IQSEC1: variants seen among roughly 807,000 people sequenced by gnomAD.
IQSEC1 encodes the protein IQ motif and Sec7 domain ArfGEF 1.
A neutral mutation model predicts 91.0 loss-of-function variants in IQSEC1; 31 were observed. The observed-to-expected ratio is 0.34, with a 90% CI of 0.26 to 0.46. IQSEC1 has a LOEUF of 0.46. Among genes scored for constraint, IQSEC1 ranks in the 20% least tolerant of loss-of-function variants. The pLI is 1.00. For missense variants in IQSEC1, 1,388 were observed against 1,575.6 expected (o/e 0.88, Z 2.02); for synonymous variants, 699 against 662.6 (o/e 1.05, Z -0.84).
intron 1 of IQSEC1, among the ~76,000 whole-genome samples, chr3:12,985,226 G>A (rs921307626): frequency 6.6e-6 from 1 of 152,174 alleles, no homozygotes; most frequent in Admixed American, 6.5e-5. Context: ...GGCTTGCTTG[G>A]GTCTTGAAGG....
At chr3:13,160,046 T>C (rs1707148003) in intron 2 of IQSEC1, among the ~76,000 whole-genome samples, 1 of 152,140 alleles carries the variant, frequency 6.6e-6, no homozygotes, top group African/African-American at 2.4e-5. Context: ...GTCCTACATT[T>C]GCAAAATGGT....
chr3:12,999,355 A>T (rs1489753897), intron 1 of IQSEC1, among the ~76,000 whole-genome samples: 1 of 152,148 alleles, frequency 6.6e-6, no homozygotes, highest in Non-Finnish European at 1.5e-5. Flanking sequence ...CTGAGGGTAA[A>T]CTGCCTTGCA....
intron 1 of IQSEC1, among the ~76,000 whole-genome samples, chr3:13,037,012 A>C (rs1416375026): frequency 6.6e-6 from 1 of 152,192 alleles, no homozygotes; most frequent in Non-Finnish European, 1.5e-5. Context: ...GACCAAGGGA[A>C]CAGCACATGT....
rs553882394 is a variant in IQSEC1, at chr3:13,067,896, G to A, written c.23+5096C>T. Among the ~76,000 whole-genome samples the A allele has an allele frequency of 3.3e-5, 5 of 152,368 alleles. No individual in the cohort carries two copies. In the South Asian group the frequency reaches 1.0e-3, roughly 32 times the overall value. On this transcript the variant is annotated intron_variant, in intron 1 of 13. Coordinates refer to ENST00000613206, the MANE Select transcript of IQSEC1 (RefSeq NM_001134382.3). ...GGCAGGCCAGGGCCCTGAGGAGATGGTGCCAGGTCCTTTAGGGGCACAGGG... is the reference window on the plus strand; with the variant it reads ...GGCAGGCCAGGGCCCTGAGGAGATGATGCCAGGTCCTTTAGGGGCACAGGG...
chr3:13,166,926 C>T (rs1013356187), intron 1 of IQSEC1, among the ~76,000 whole-genome samples: 1 of 152,250 alleles, frequency 6.6e-6, no homozygotes, highest in Non-Finnish European at 1.5e-5. Context: ...CCTGGCATAA[C>T]ATCGCCCGTC....
chr3:12,936,395 G>A lies in IQSEC1; in HGVS notation c.621C>T (p.Thr207=), dbSNP rs1353877235. The part of the protein sequence containing the change: ...SPECGDLSEP[T]TLKSPAPSSD... ...TGGAGGGGGCCGGAGACTTGAGGGT[G>A]GTGGGCTCGCTGAGGTCACCACACT... The change falls in exon 3 of 14, where the codon ACC becomes ACT. Residue 207 remains threonine, a synonymous_variant. Transcript: ENST00000613206. 1 of 1,594,804 alleles carries A rather than the reference G, an allele frequency of 6.3e-7. No individual in the cohort carries two copies. The highest frequency in any genetic ancestry group is 8.6e-7 in the Non-Finnish European group (1 of 1,167,918).
At chr3:13,066,432 G>A (rs913529320) in intron 1 of IQSEC1, among the ~76,000 whole-genome samples, 2 of 152,232 alleles carry the variant, frequency 1.3e-5, no homozygotes, top group South Asian at 2.1e-4. Flanking sequence ...CGCGCCATGC[G>A]GGAGCTCTAT....
chr3:13,230,621 CTG>C (rs1694825434), intron 1 of IQSEC1, among the ~76,000 whole-genome samples: 1 of 152,032 alleles, frequency 6.6e-6, no homozygotes, highest in Non-Finnish European at 1.5e-5. Context: ...TGTACTGAAG[CTG>C]TGTTTCATCA....
Position 12,924,785 on chromosome 3 carries a change from C to T in IQSEC1, c.1569-43G>A, listed in dbSNP as rs1696967320. 6.6e-7 allele frequency: 1 copy of T among 1,505,622 alleles called. No individual in the cohort carries two copies. Among genetic ancestry groups the T allele is most frequent in the Non-Finnish European group, 8.9e-7 (1 of 1,121,128 alleles). The allele number at this position is 1,505,622 out of a possible 1,614,324, so 93.3% of individuals were successfully genotyped here. Reference sequence around the variant, plus strand: ...GCACACTCAGTCCCAGCTGCCCGGCCACCAGCCAGGCACCTGGAGGGGATC... The same window carrying T: ...GCACACTCAGTCCCAGCTGCCCGGCTACCAGCCAGGCACCTGGAGGGGATC... On this transcript the variant is annotated intron_variant, in intron 3 of 13. Coordinates refer to ENST00000613206, the MANE Select transcript of IQSEC1 (RefSeq NM_001134382.3). The surrounding 1 kb of genome is among the most constrained non-coding windows in gnomAD (Gnocchi z 6.3).
intron 1 of IQSEC1, among the ~76,000 whole-genome samples, chr3:13,213,625 T>C (rs1015098309): frequency 6.6e-6 from 1 of 152,156 alleles, no homozygotes; most frequent in African/African-American, 2.4e-5. Context: ...TTTTTAGTCA[T>C]GAAAGATCAT....
At chr3:13,090,502 C>G (rs1705841010) in intron 2 of IQSEC1, among the ~76,000 whole-genome samples, 1 of 152,198 alleles carries the variant, frequency 6.6e-6, no homozygotes. Context: ...TCCCGTGTTG[C>G]ACCTCTCTGT....
At chr3:13,179,533 A>G (rs9830931) in intron 1 of IQSEC1, among the ~76,000 whole-genome samples, 4,970 of 152,362 alleles carry the variant, frequency 0.033, 266 homozygotes, top group African/African-American at 0.11. Context: ...AAGGAGACAC[A>G]ACAATCCTAA....
intron 2 of IQSEC1, among the ~76,000 whole-genome samples, chr3:13,141,276 C>T (rs546927847): frequency 2.6e-5 from 4 of 152,228 alleles, no homozygotes; most frequent in African/African-American, 4.8e-5. Flanking sequence ...GCAATGGAAA[C>T]GGAAAAGCAT....
rs2012023 is a variant in IQSEC1 at position 12,940,373 on chromosome 3, T to C, written c.318+1198A>G. On this transcript the variant is annotated intron_variant, in intron 2 of 13. Coordinates refer to ENST00000613206, the MANE Select transcript of IQSEC1 (RefSeq NM_001134382.3). This position sits in a 1 kb window ranked among gnomAD's most constrained non-coding sequence, Gnocchi z 4.4. ...TTAAAGGACAAAAAGGGGAGCAACTTGAATCTATACTCCCAGCAAACACAA... is the reference window on the plus strand; with the variant it reads ...TTAAAGGACAAAAAGGGGAGCAACTCGAATCTATACTCCCAGCAAACACAA... Among the ~76,000 whole-genome samples the C allele has an allele frequency of 0.26, 39,623 of 151,676 alleles. 5,646 individuals carry two copies. The highest frequency in any genetic ancestry group is 0.37 in the African/African-American group (15,109 of 41,272).
chr3:13,217,360 G>A (rs1694569861), intron 1 of IQSEC1, among the ~76,000 whole-genome samples: 1 of 152,180 alleles, frequency 6.6e-6, no homozygotes, highest in Non-Finnish European at 1.5e-5. Flanking sequence ...CCACAGTCTG[G>A]TGGCGGGGCT....
intron 1 of IQSEC1, among the ~76,000 whole-genome samples, chr3:12,948,864 A>C (rs1699354452): frequency 6.6e-6 from 1 of 152,224 alleles, no homozygotes; most frequent in Admixed American, 6.5e-5. Flanking sequence ...ACGCCCGAAC[A>C]CTTGCCCATT....
intron 1 of IQSEC1, among the ~76,000 whole-genome samples, chr3:13,243,988 A>G (rs1695066647): frequency 1.3e-5 from 2 of 152,164 alleles, no homozygotes; most frequent in Admixed American, 1.3e-4. Context: ...ATAGGATATG[A>G]TGCCCTTTCA....
chr3:13,189,440 C>T (rs934132954), intron 1 of IQSEC1, among the ~76,000 whole-genome samples: 3 of 152,154 alleles, frequency 2.0e-5, no homozygotes, highest in Non-Finnish European at 4.4e-5. Flanking sequence ...CAGCAGGGTT[C>T]TGAGGCCTTG....
chr3:13,110,053 T>C (rs1706217269), intron 2 of IQSEC1, among the ~76,000 whole-genome samples: 1 of 151,618 alleles, frequency 6.6e-6, no homozygotes, highest in Admixed American at 6.6e-5. Flanking sequence ...CGGCTAGTTT[T>C]TGTATTTTTA....
Sources: allele counts gnomAD v4.1 joint callset (sites outside exome capture counted in the v4.1 genomes callset), GRCh38; gene constraint gnomAD v4.1.1; non-coding constraint Gnocchi (gnomAD v3.1); transcripts MANE v1.5; gene names NCBI Gene and HGNC (gene_info 2026-07-23, HGNC 2026-07-21).